The following SCIN variants were observed in gnomAD, a reference collection of about 807,000 sequenced individuals.
The protein encoded by SCIN is scinderin.
A neutral mutation model predicts 91.8 loss-of-function variants in SCIN; 91 were observed. The ratio of observed to expected loss-of-function variants is 0.99; its 90% CI spans 0.84 to 1.18. The LOEUF (loss-of-function observed/expected upper bound fraction) is 1.18, where lower values mean the gene tolerates loss of function less well. Among genes scored for constraint, SCIN ranks in the 50% most tolerant of loss-of-function variants. The pLI is 0.00. For missense variants in SCIN, 1,087 were observed against 863.9 expected (o/e 1.26, Z -3.24); for synonymous variants, 367 against 312.6 (o/e 1.17, Z -1.84).
intron 3 of SCIN, among the ~76,000 whole-genome samples, chr7:12,590,040 A>G (rs1352744601): frequency 6.6e-6 from 1 of 152,134 alleles, no homozygotes; most frequent in Non-Finnish European, 1.5e-5. Context: ...AGCATGGGAT[A>G]TGGAGACGCC....
intron 3 of SCIN, among the ~76,000 whole-genome samples, chr7:12,586,676 A>G (rs3087766): frequency 0.16 from 24,444 of 152,204 alleles, 3,779 homozygotes; most frequent in African/African-American, 0.41. Flanking sequence ...GTATGGAATC[A>G]ACATAAATAT....
At chr7:12,643,295 T>A (rs1465429846) in intron 11 of SCIN, among the ~76,000 whole-genome samples, 1 of 152,174 alleles carries the variant, frequency 6.6e-6, no homozygotes, top group Non-Finnish European at 1.5e-5. Flanking sequence ...CTGTTTTAGA[T>A]CTCATTTCCT....
chr7:12,620,023 T>C (rs977511756), intron 4 of SCIN, among the ~76,000 whole-genome samples: 3 of 152,034 alleles, frequency 2.0e-5, no homozygotes, highest in African/African-American at 7.2e-5. Context: ...TCCTGCTTTA[T>C]AAAGGGATAA....
chr7:12,638,932 A>T (rs1264082991), intron 10 of SCIN, among the ~76,000 whole-genome samples: 1 of 152,192 alleles, frequency 6.6e-6, no homozygotes, highest in African/African-American at 2.4e-5. Flanking sequence ...ATTGTCTTAC[A>T]TATTTCATAT....
At chr7:12,603,147 T>C (rs1287475732) in intron 3 of SCIN, among the ~76,000 whole-genome samples, 2 of 152,066 alleles carry the variant, frequency 1.3e-5, no homozygotes, top group African/African-American at 4.8e-5. Context: ...TAAAAGCACA[T>C]TTAATTTTTT....
At chr7:12,617,448 A>G (rs1783322656) in intron 4 of SCIN, among the ~76,000 whole-genome samples, 1 of 152,114 alleles carries the variant, frequency 6.6e-6, no homozygotes, top group Admixed American at 6.6e-5. Context: ...CAAGTTTCGG[A>G]AGCGTTCATC....
chr7:12,591,272 G>C (rs1011311876), intron 3 of SCIN, among the ~76,000 whole-genome samples: 1 of 152,164 alleles, frequency 6.6e-6, no homozygotes, highest in African/African-American at 2.4e-5. Flanking sequence ...TTGAATCCTG[G>C]AAGGAGGAAG....
chr7:12,580,310 GATC>G (rs10526243), intron 2 of SCIN, among the ~76,000 whole-genome samples: 19,743 of 151,942 alleles, frequency 0.13, 2,129 homozygotes, highest in African/African-American at 0.3. Context: ...AAAGGTAAAA[GATC>G]ATTGCAAATA....
intron 11 of SCIN, 107 bp downstream of exon 11, chr7:12,640,624 A>G: frequency 3.1e-6 from 3 of 959,046 alleles, no homozygotes; most frequent in South Asian, 2.9e-5. Context: ...AACTCCCTTC[A>G]TTCCTATAAT....
At position 12,629,098 on chromosome 7, in the gene SCIN, C is replaced by T. The variant is rs183091766; in HGVS notation, c.1198-3C>T. Reference sequence around the variant, plus strand: ...TTTGTTGTATATATTCCATTCCTTCCAGATTTGGCGTGTAGAAAACAATGG... The same window carrying T: ...TTTGTTGTATATATTCCATTCCTTCTAGATTTGGCGTGTAGAAAACAATGG... On this transcript the variant is annotated splice_polypyrimidine_tract_variant and splice_region_variant and intron_variant, in intron 8 of 15. Coordinates refer to ENST00000297029, the MANE Select transcript of SCIN (RefSeq NM_001112706.3). 2.2e-4 allele frequency: 351 copies of T among 1,608,394 alleles called. 1 individual carries two copies. In the East Asian group the frequency reaches 7.4e-3, roughly 34 times the overall value.
At chr7:12,571,124 T>G in intron 1 of SCIN, 139 bp downstream of exon 1, 1 of 952,708 alleles carries the variant, frequency 1.0e-6, no homozygotes, top group Admixed American at 3.0e-5. Context: ...GGCTGCCCTT[T>G]GGGGCCGGCC....
intron 3 of SCIN, among the ~76,000 whole-genome samples, chr7:12,602,111 G>C (rs948617696): frequency 3.3e-5 from 5 of 152,128 alleles, no homozygotes; most frequent in Non-Finnish European, 7.3e-5. Flanking sequence ...ATAAGCATCA[G>C]CTGGCTGAGA....
At chr7:12,641,944 A>G (rs1363657506) in intron 11 of SCIN, among the ~76,000 whole-genome samples, 1 of 151,960 alleles carries the variant, frequency 6.6e-6, no homozygotes, top group Non-Finnish European at 1.5e-5. Context: ...GCATCTGTGT[A>G]TATATTCTCT....
intron 14 of SCIN, among the ~76,000 whole-genome samples, chr7:12,650,822 A>G (rs1784064374): frequency 6.6e-6 from 1 of 152,206 alleles, no homozygotes; most frequent in Non-Finnish European, 1.5e-5. Context: ...AGGGCAAGCT[A>G]CTAGAGGAGA....
At chr7:12,640,718 A>G (rs1403482019) in intron 11 of SCIN, among the ~76,000 whole-genome samples, 1 of 152,224 alleles carries the variant, frequency 6.6e-6, no homozygotes, top group Non-Finnish European at 1.5e-5. Context: ...GCCTTTCGCA[A>G]TTTTCAATTA....
At chr7:12,649,900 C>A (rs1388912660) in intron 14 of SCIN, among the ~76,000 whole-genome samples, 1 of 152,152 alleles carries the variant, frequency 6.6e-6, no homozygotes, top group Admixed American at 6.6e-5. Context: ...AGGAAACCGA[C>A]ATATTCAAAG....
At chr7:12,573,312 A>G (rs1258924674) in intron 1 of SCIN, among the ~76,000 whole-genome samples, 2 of 152,144 alleles carry the variant, frequency 1.3e-5, no homozygotes, top group African/African-American at 4.8e-5. Flanking sequence ...AGAGAAACTA[A>G]AGTTAAACTG....
chr7:12,603,715 C>T (rs1443580604), intron 3 of SCIN, among the ~76,000 whole-genome samples: 1 of 152,058 alleles, frequency 6.6e-6, no homozygotes, highest in Non-Finnish European at 1.5e-5. Context: ...AATATAATCT[C>T]TACTATATGT....
rs560395905 is a variant in SCIN at position 12,652,784 on chromosome 7, G to A, written c.*69G>A. 2.4e-5 allele frequency: 37 copies of A among 1,554,532 alleles called. No homozygotes were observed. The highest frequency in any genetic ancestry group is 1.4e-4 in the African/African-American group (10 of 70,206). ...CTCATTGCTGTTTTGGGAGAGGAAC[G>A]GGAAAAGCTTTTTGCTTATTTGTCT... is the stretch of plus-strand genomic sequence containing the variant. On this transcript the variant is annotated 3_prime_UTR_variant, in exon 16 of 16. Transcript: ENST00000297029.
Sources: allele counts gnomAD v4.1 joint callset (sites outside exome capture counted in the v4.1 genomes callset), GRCh38; gene constraint gnomAD v4.1.1; transcripts MANE v1.5; gene names NCBI Gene and HGNC (gene_info 2026-07-23, HGNC 2026-07-21).